The following AP3D1 variants were observed in gnomAD, a reference collection of about 807,000 sequenced individuals.
The protein encoded by AP3D1 is AP-3 complex subunit delta-1.
Under a neutral mutation model 147.6 loss-of-function variants are expected in AP3D1, and 51 were observed. The ratio of observed to expected loss-of-function variants is 0.35; its 90% CI spans 0.28 to 0.44. AP3D1 has a LOEUF of 0.44. AP3D1 is among the 20% of genes least tolerant of loss of function. The pLI is 1.00. For missense variants in AP3D1, 1,421 were observed against 1,624.2 expected (o/e 0.87, Z 2.15); for synonymous variants, 760 against 663.0 (o/e 1.15, Z -2.25).
At chr19:2,147,408 T>G (rs2019386961) in intron 1 of AP3D1, among the ~76,000 whole-genome samples, 1 of 138,720 alleles carries the variant, frequency 7.2e-6, no homozygotes, top group African/African-American at 2.7e-5. Flanking sequence ...CTTTATATCT[T>G]TTCCTTTCTT....
upstream of AP3D1, among the ~76,000 whole-genome samples, chr19:2,154,634 C>G (rs2019630813): frequency 6.6e-6 from 1 of 152,204 alleles, no homozygotes; most frequent in Non-Finnish European, 1.5e-5. Context: ...ATTTCTCTCT[C>G]CACTTTCTGT....
At chr19:2,151,007 C>A (rs2144581749) in intron 1 of AP3D1, among the ~76,000 whole-genome samples, 2 of 152,382 alleles carry the variant, frequency 1.3e-5, no homozygotes, top group Admixed American at 1.3e-4. Flanking sequence ...AGGCGAGGAT[C>A]CGAGATGTGC....
At chr19:2,111,910 G>A in intron 24 of AP3D1, 82 bp from the exon 25 acceptor site, 9 of 1,592,424 alleles carry the variant, frequency 5.7e-6, no homozygotes, top group Non-Finnish European at 7.7e-6. Context: ...GATCACAGCA[G>A]GGCTGCTCAG....
chr19:2,138,004 G>A (rs1420440689), intron 2 of AP3D1, among the ~76,000 whole-genome samples, 197 bp from the exon 3 acceptor site: 5 of 152,124 alleles, frequency 3.3e-5, no homozygotes, highest in African/African-American at 1.2e-4. Flanking sequence ...AAAGCTACAG[G>A]GACAAGTTAG....
chr19:2,144,180 A>G (rs1213313289), intron 1 of AP3D1, among the ~76,000 whole-genome samples: 1 of 152,186 alleles, frequency 6.6e-6, no homozygotes, highest in Non-Finnish European at 1.5e-5. Flanking sequence ...AGGATAAGTT[A>G]CTATCCACAA....
chr19:2,137,407 G>A (rs534845942), intron 3 of AP3D1, among the ~76,000 whole-genome samples: 4 of 151,866 alleles, frequency 2.6e-5, no homozygotes, highest in African/African-American at 7.3e-5. Flanking sequence ...TCCACCTCCC[G>A]GGTTCAAGCA....
Position 2,118,717 on chromosome 19 carries a change from T to G in AP3D1, c.1597A>C (p.Ile533Leu). 1 of 1,613,652 alleles carries G rather than the reference T, an allele frequency of 6.2e-7. No individual in the cohort carries two copies. The highest frequency in any genetic ancestry group is 8.5e-7 in the Non-Finnish European group (1 of 1,180,006). The change falls in exon 15 of 32, where the codon ATC (isoleucine) becomes CTC (leucine). Residue 533 changes from isoleucine (I) to leucine (L), a missense_variant. By Grantham distance (5) the Ile-to-Leu change is conservative. Coordinates refer to ENST00000643116, the MANE Select transcript of AP3D1 (RefSeq NM_001261826.3). ...CCGGCCTGCTCCTTCTGCTGCAGGATGGAGGCGTAGAGCTTGACCACGTTC... is the reference window on the plus strand; with the variant it reads ...CCGGCCTGCTCCTTCTGCTGCAGGAGGGAGGCGTAGAGCTTGACCACGTTC... ...VQNVVKLYAS[I>L]LQQKEQAGEA...
Position 2,116,799 on chromosome 19 carries a change from G to A in AP3D1, c.1860-53C>T, listed in dbSNP as rs1371678772. 3 of 1,537,260 alleles carry A rather than the reference G, an allele frequency of 2.0e-6. No homozygotes were observed. The African/African-American group carries it at 4.1e-5, about 21-fold the overall frequency. ...GCAGTGTGTGACCGAGCACGCGCCT[G>A]CAGGCGTCCGCCCTGAGCAGGCTCA... On this transcript the variant is annotated intron_variant, in intron 16 of 31. Transcript: ENST00000643116.
chr19:2,129,268 G>A, intron 7 of AP3D1, 50 bp downstream of exon 7: 1 of 1,613,544 alleles, frequency 6.2e-7, no homozygotes, highest in African/African-American at 1.3e-5. Context: ...CACAGGGTGA[G>A]GGAATGCCCC....
chr19:2,143,449 C>T (rs895591546), intron 1 of AP3D1, among the ~76,000 whole-genome samples: 3 of 151,474 alleles, frequency 2.0e-5, no homozygotes, highest in Non-Finnish European at 4.4e-5. Flanking sequence ...GCCGTGTTAG[C>T]CAGGATGGTC....
chr19:2,137,318 T>G (rs999304002), intron 3 of AP3D1, among the ~76,000 whole-genome samples: 6 of 151,980 alleles, frequency 3.9e-5, no homozygotes, highest in African/African-American at 1.5e-4. Context: ...GTATGTGTTT[T>G]TTTTTTTTTC....
intron 1 of AP3D1, among the ~76,000 whole-genome samples, chr19:2,146,027 G>A (rs1236559754): frequency 1.3e-5 from 2 of 152,158 alleles, no homozygotes; most frequent in Non-Finnish European, 2.9e-5. Context: ...TCTGTGGGGA[G>A]CGGGCGCTTT....
chr19:2,126,949 G>A (rs993806574), intron 9 of AP3D1, among the ~76,000 whole-genome samples: 10 of 152,178 alleles, frequency 6.6e-5, no homozygotes, highest in African/African-American at 1.9e-4. Flanking sequence ...GGCGGTGGAA[G>A]ACCAGGCAGA....
chr19:2,145,552 C>T (rs947744648), intron 1 of AP3D1, among the ~76,000 whole-genome samples: 1 of 152,218 alleles, frequency 6.6e-6, no homozygotes, highest in Non-Finnish European at 1.5e-5. Context: ...CACCCCCACC[C>T]CAAGAACAAT....
chr19:2,135,773 C>T (rs892728406), intron 4 of AP3D1, among the ~76,000 whole-genome samples: 48 of 152,256 alleles, frequency 3.2e-4, no homozygotes, highest in African/African-American at 1.1e-3. Context: ...CACACAGGGA[C>T]CGGCCGTGCC....
At position 2,137,706 on chromosome 19, in the gene AP3D1, C is replaced by T. The variant is rs772422285; in HGVS notation, c.273+21G>A. 50 of 1,611,484 alleles carry T rather than the reference C, an allele frequency of 3.1e-5. No individual in the cohort carries two copies. In the Admixed American group the frequency reaches 6.3e-4, roughly 20 times the overall value. On this transcript the variant is annotated intron_variant, in intron 3 of 31. Transcript: ENST00000643116. ...TGTAATCACTCCCCACCCCACCAGC[C>T]TTGCCGTCCCAGAACCTCACCTTGA...
chr19:2,154,682 G>C (rs1313652469), upstream of AP3D1, among the ~76,000 whole-genome samples: 3 of 152,198 alleles, frequency 2.0e-5, no homozygotes, highest in African/African-American at 7.2e-5. Context: ...TAATCTGATT[G>C]GGAGCCCAAA....
intron 4 of AP3D1, among the ~76,000 whole-genome samples, chr19:2,136,681 G>C (rs77347571): frequency 0.11 from 16,171 of 152,262 alleles, 1,128 homozygotes; most frequent in Non-Finnish European, 0.16. Context: ...ACCATGAGGG[G>C]AGAAGGGAAG....
In AP3D1 at chr19:2,110,240, G is replaced by A; in HGVS notation, c.3176-16C>T. Reference sequence around the variant, plus strand: ...TTGGAGACGCCTGGCGGGGGCGAGAGGGAGTGGGGCCTGAGACGCTGCGGG... The same window carrying A: ...TTGGAGACGCCTGGCGGGGGCGAGAAGGAGTGGGGCCTGAGACGCTGCGGG... On this transcript the variant is annotated splice_polypyrimidine_tract_variant and intron_variant, in intron 27 of 31. Coordinates refer to ENST00000643116, the MANE Select transcript of AP3D1 (RefSeq NM_001261826.3). 1 of 1,609,566 alleles carries A rather than the reference G, an allele frequency of 6.2e-7. No homozygotes were observed. Among genetic ancestry groups the A allele is most frequent in the Non-Finnish European group, 8.5e-7 (1 of 1,179,156 alleles).
Sources: gnomAD v4.1 joint callset for allele counts (sites outside exome capture counted in the v4.1 genomes callset) on GRCh38, gnomAD v4.1.1 for gene constraint, MANE v1.5 for transcripts, NCBI Gene and HGNC (gene_info 2026-07-23, HGNC 2026-07-21) for gene names.